FSD2: variants seen among roughly 807,000 people sequenced by gnomAD.
FSD2 encodes fibronectin type III and SPRY domain-containing protein 2.
In FSD2, 71 loss-of-function variants were observed where a neutral mutation model predicts 80.4. The ratio of observed to expected loss-of-function variants is 0.88; its 90% CI spans 0.73 to 1.08. FSD2 has a LOEUF of 1.08. FSD2 is among the 50% of genes least tolerant of loss of function. The pLI, the probability that FSD2 is intolerant of heterozygous loss-of-function variation, is 0.00. For synonymous variants in FSD2, 361 were observed against 329.5 expected (o/e 1.10, Z -1.03); for missense variants, 923 against 913.8 (o/e 1.01, Z -0.13).
At chr15:82,802,905 T>C (rs1174596054) in intron 1 of FSD2, among the ~76,000 whole-genome samples, 1 of 152,200 alleles carries the variant, frequency 6.6e-6, no homozygotes, top group Non-Finnish European at 1.5e-5. Context: ...TGGCTAACCT[T>C]ACCACATGCA....
intron 1 of FSD2, among the ~76,000 whole-genome samples, chr15:82,795,917 G>A (rs2050253945): frequency 6.6e-6 from 1 of 151,646 alleles, no homozygotes; most frequent in South Asian, 2.1e-4. Flanking sequence ...CTAAGACTGA[G>A]AGAAAAACTG....
intron 11 of FSD2, 40 bp downstream of exon 11, chr15:82,765,126 G>A: frequency 1.3e-6 from 2 of 1,556,978 alleles, no homozygotes; most frequent in Non-Finnish European, 1.7e-6. Flanking sequence ...GCACCTTCGG[G>A]AAGTTCACAG....
At chr15:82,793,328 T>C (rs755322748) in intron 1 of FSD2, among the ~76,000 whole-genome samples, 8 of 151,936 alleles carry the variant, frequency 5.3e-5, no homozygotes, top group Middle Eastern at 3.4e-3. Flanking sequence ...TTTTTGTGTT[T>C]TTTTTTTTCA....
At chr15:82,773,289 G>C (rs11856396) in intron 6 of FSD2, among the ~76,000 whole-genome samples, 3,318 of 152,306 alleles carry the variant, frequency 0.022, 134 homozygotes, top group African/African-American at 0.077. Context: ...TTCATCCTTT[G>C]CTTTCTGATC....
chr15:82,786,386 G>C (rs1432674050), intron 3 of FSD2, 125 bp downstream of exon 3: 4 of 716,636 alleles, frequency 5.6e-6, no homozygotes, highest in Admixed American at 2.4e-5. Context: ...GAGGAGAGAA[G>C]GGGGAGTGGT....
intron 6 of FSD2, among the ~76,000 whole-genome samples, chr15:82,773,815 C>T (rs1468313253): frequency 6.6e-6 from 1 of 152,126 alleles, no homozygotes; most frequent in Non-Finnish European, 1.5e-5. Flanking sequence ...AATATGTAGG[C>T]ACTAAAGTGA....
At chr15:82,784,796 G>A (rs555401459) in intron 3 of FSD2, among the ~76,000 whole-genome samples, 2 of 152,250 alleles carry the variant, frequency 1.3e-5, no homozygotes, top group Non-Finnish European at 2.9e-5. Context: ...TAGAGCATCC[G>A]CATGAAGAGA....
intron 12 of FSD2, among the ~76,000 whole-genome samples, chr15:82,760,844 C>T (rs551082611): frequency 1.3e-5 from 2 of 152,322 alleles, no homozygotes; most frequent in South Asian, 2.1e-4. Flanking sequence ...GTTTCCACCC[C>T]TCTTCTATTG....
intron 1 of FSD2, among the ~76,000 whole-genome samples, chr15:82,788,720 G>A (rs1454745072): frequency 6.6e-6 from 1 of 151,688 alleles, no homozygotes; most frequent in African/African-American, 2.4e-5. Flanking sequence ...CCTTAAAGAT[G>A]TTCACACTTT....
rs184440603 is a variant in FSD2, at chr15:82,768,981, C to G, written c.1452G>C (p.Glu484Asp). The change falls in exon 9 of 13, where the codon GAG becomes GAC. Residue 484 changes from glutamate (E) to aspartate (D), a missense_variant. Coordinates refer to ENST00000334574, the MANE Select transcript of FSD2 (RefSeq NM_001007122.4). ...IKTKEIRSCE[E>D]AVLICWESGN... ...CAGACTCCCAGCAAATCAGCACAGCCTCTTCACAGCTCCTTATCTCTTTGG... is the reference window on the plus strand; with the variant it reads ...CAGACTCCCAGCAAATCAGCACAGCGTCTTCACAGCTCCTTATCTCTTTGG... The G allele has an allele frequency of 6.2e-7, 1 of 1,604,904 alleles. No homozygotes were observed. The highest frequency in any genetic ancestry group is 1.3e-5 in the African/African-American group (1 of 74,674).
intron 1 of FSD2, among the ~76,000 whole-genome samples, chr15:82,803,253 C>T (rs149792537): frequency 8.9e-4 from 136 of 152,220 alleles, no homozygotes; most frequent in African/African-American, 3.1e-3. Flanking sequence ...CTGCTGACTG[C>T]GCGCACCATG....
At chr15:82,795,747 T>A (rs2050249676) in intron 1 of FSD2, among the ~76,000 whole-genome samples, 1 of 151,776 alleles carries the variant, frequency 6.6e-6, no homozygotes, top group Non-Finnish European at 1.5e-5. Flanking sequence ...TAGGAGGGTC[T>A]CTTGAGCCCA....
chr15:82,766,275 T>A (rs1267925228), intron 9 of FSD2, among the ~76,000 whole-genome samples: 2 of 152,194 alleles, frequency 1.3e-5, no homozygotes, highest in Non-Finnish European at 2.9e-5. Context: ...TCCAAGTCCC[T>A]CATTCTGGTT....
At chr15:82,784,550 G>T (rs374813273) in intron 3 of FSD2, among the ~76,000 whole-genome samples, 2 of 152,094 alleles carry the variant, frequency 1.3e-5, no homozygotes, top group Admixed American at 6.6e-5. Context: ...CCCGGCCAAT[G>T]TAAGAAGTTT....
At chr15:82,773,288 T>G (rs1195023711) in intron 6 of FSD2, among the ~76,000 whole-genome samples, 1 of 152,236 alleles carries the variant, frequency 6.6e-6, no homozygotes, top group Admixed American at 6.5e-5. Context: ...GTTCATCCTT[T>G]GCTTTCTGAT....
At chr15:82,765,011 C>G (rs558817649) in intron 11 of FSD2, among the ~76,000 whole-genome samples, 155 bp downstream of exon 11, 6 of 152,186 alleles carry the variant, frequency 3.9e-5, no homozygotes, top group Admixed American at 2.6e-4. Flanking sequence ...CCACACTCCT[C>G]TGGGTCCCCT....
chr15:82,764,582 A>T (rs1361640081), intron 11 of FSD2, among the ~76,000 whole-genome samples: 1 of 143,726 alleles, frequency 7.0e-6, no homozygotes, highest in Non-Finnish European at 1.5e-5. Flanking sequence ...GGGTTCAAGC[A>T]ATTCTTCTGC....
At chr15:82,766,735 T>G (rs1294537075) in intron 9 of FSD2, among the ~76,000 whole-genome samples, 1 of 131,400 alleles carries the variant, frequency 7.6e-6, no homozygotes, top group Admixed American at 8.3e-5. Context: ...AGTGAGACTG[T>G]CTCAAAAAAA....
chr15:82,791,062 G>A (rs1193713770), intron 1 of FSD2, among the ~76,000 whole-genome samples: 2 of 146,708 alleles, frequency 1.4e-5, no homozygotes, highest in Admixed American at 6.8e-5. Flanking sequence ...GCAGTGGCGC[G>A]ATCTTAGCTC....
Sources: gnomAD v4.1 joint callset for allele counts (sites outside exome capture counted in the v4.1 genomes callset) on GRCh38, gnomAD v4.1.1 for gene constraint, MANE v1.5 for transcripts, NCBI Gene and HGNC (gene_info 2026-07-23, HGNC 2026-07-21) for gene names.